Variants in ZNF45 observed in about 807,000 individuals in gnomAD.
ZNF45 encodes the protein BRC1744.
In ZNF45, 4 loss-of-function variants were observed where a neutral mutation model predicts 12.0. The ratio of observed to expected loss-of-function variants is 0.33; its 90% CI spans 0.16 to 0.76. The LOEUF (loss-of-function observed/expected upper bound fraction) is 0.76. Among genes scored for constraint, ZNF45 ranks in the 30% least tolerant of loss-of-function variants. The pLI, the probability that ZNF45 is intolerant of heterozygous loss-of-function variation, is 0.60. For missense variants in ZNF45, 700 were observed against 813.0 expected, an observed-to-expected ratio of 0.86 and a Z score of 1.69; for synonymous variants, 272 against 279.6, an observed-to-expected ratio of 0.97 and a Z score of 0.27.
chr19:43,924,739 C>T (rs1973527674), intron 4 of ZNF45, among the ~76,000 whole-genome samples, 178 bp from the exon 5 acceptor site: 1 of 152,146 alleles, frequency 6.6e-6, no homozygotes, highest in African/African-American at 2.4e-5. Context: ...ACCAGCCCAC[C>T]AGTACTGGAA....
intron 2 of ZNF45, among the ~76,000 whole-genome samples, chr19:43,934,030 T>C (rs923277656): frequency 5.3e-5 from 8 of 152,202 alleles, no homozygotes; most frequent in Admixed American, 3.3e-4. Context: ...ATATGGATCA[T>C]TTATCTATTT....
rs1204712089 is a variant in ZNF45, at chr19:43,935,265, C to G, written c.-1097G>C. ...GGAATGAAGGCCGCGCTCTCAACCT[C>G]TTGCCGCGGAAGTGCCCGGGAGAGC... On this transcript the variant is annotated 5_prime_UTR_variant, in exon 1 of 10. Coordinates refer to ENST00000269973, the MANE Select transcript of ZNF45 (RefSeq NM_003425.4). 6.6e-6 allele frequency: 1 copy of G among 152,416 alleles called. No homozygotes were observed. Among genetic ancestry groups the G allele is most frequent in the Non-Finnish European group, 1.5e-5 (1 of 68,074 alleles). 9.4% of individuals were successfully genotyped at this position (152,416 alleles called of 1,614,324 possible).
intron 3 of ZNF45, among the ~76,000 whole-genome samples, chr19:43,931,546 T>C (rs1974142817): frequency 7.5e-6 from 1 of 133,912 alleles, no homozygotes; most frequent in Non-Finnish European, 1.7e-5. Context: ...AAAAAAAAAA[T>C]GTATACATAT....
intron 7 of ZNF45, among the ~76,000 whole-genome samples, chr19:43,920,039 C>T (rs1973002762): frequency 6.6e-6 from 1 of 152,094 alleles, no homozygotes; most frequent in Non-Finnish European, 1.5e-5. Flanking sequence ...TCTTATCCTT[C>T]CCCCAAGATA....
At position 43,915,148 on chromosome 19, in the gene ZNF45, G is replaced by A. The variant is rs772211898; in HGVS notation, c.288C>T (p.Tyr96=). 1.9e-6 allele frequency: 3 copies of A among 1,565,896 alleles called. No homozygotes were observed. The highest frequency in any genetic ancestry group is 2.6e-6 in the Non-Finnish European group (3 of 1,157,464). ...METLQEVGLR[Y]LPHEELFCSQ... is the part of the protein sequence containing the mutation. ...AGCAGAAAAGCTCTTCATGAGGCAG[G>A]TACCTTAATCCTACTTCTTGAAGAG... is the stretch of plus-strand genomic sequence containing the variant. Residue 96 remains tyrosine, a synonymous_variant, in exon 10 of 10, where the codon TAC becomes TAT. Coordinates refer to ENST00000269973, the MANE Select transcript of ZNF45 (RefSeq NM_003425.4).
At chr19:43,934,778 A>G (rs1285396575) in intron 1 of ZNF45, 84 bp from the exon 2 acceptor site, 2 of 152,242 alleles carry the variant, frequency 1.3e-5, no homozygotes, top group African/African-American at 4.8e-5. Flanking sequence ...AACGGCCGAC[A>G]TGTTGCCACA....
chr19:43,913,832 T>G lies in ZNF45; in HGVS notation c.1604A>C (p.Lys535Thr). The change falls in exon 10 of 10, where the codon AAG (lysine) becomes ACG (threonine). Residue 535 changes from lysine (K) to threonine (T), a missense_variant. Coordinates refer to ENST00000269973, the MANE Select transcript of ZNF45 (RefSeq NM_003425.4). The stretch of plus-strand genomic sequence containing the variant: ...AAGCTGTGAACCTACACTGAAGCCC[T>G]TCCCACACTCTGCACACTGATATGG... ...EKPYQCAECG[K>T]GFSVGSQLQA... The G allele has an allele frequency of 6.2e-7, 1 of 1,613,988 alleles. No homozygotes were observed. Among genetic ancestry groups the G allele is most frequent in the East Asian group, 2.2e-5 (1 of 44,854 alleles).
Position 43,922,431 on chromosome 19 carries a change from C to A in ZNF45, c.-32-214G>T, listed in dbSNP as rs191861582. On this transcript the variant is annotated intron_variant, in intron 6 of 9. Transcript: ENST00000269973. ...GCTGTAAGACCCTGGCAGCAAGTGA[C>A]CTGCCCGACCACACAGAGTATGCCC... 6.2e-6 allele frequency: 3 copies of A among 484,244 alleles called. No individual in the cohort carries two copies. The South Asian group carries it at 1.1e-4, about 17-fold the overall frequency. The allele number at this position is 484,244 out of a possible 1,614,324, so 30.0% of individuals were successfully genotyped here.
In ZNF45 at chr19:43,932,695, T is replaced by C. The variant is rs1405683479; in HGVS notation, c.-486-5A>G. 1.3e-5 allele frequency: 2 copies of C among 152,168 alleles called. No individual in the cohort carries two copies. Among genetic ancestry groups the C allele is most frequent in the Non-Finnish European group, 2.9e-5 (2 of 68,032 alleles). The allele number at this position is 152,168 out of a possible 1,614,324, so 9.4% of individuals were successfully genotyped here. ...TGAAACAGAGGTCCCTGAAGTCTAA[T>C]GGGAGAGAGATAGGAAACCAAGAGT... On this transcript the variant is annotated splice_region_variant and splice_polypyrimidine_tract_variant and intron_variant, in intron 2 of 9. Transcript: ENST00000269973.
At position 43,922,820 on chromosome 19, in the gene ZNF45, G is replaced by GTTTTTTTTTT. The variant is rs368057244; in HGVS notation, c.-32-613_-32-604dup. On this transcript the variant is annotated intron_variant, in intron 6 of 9. Transcript: ENST00000269973. ...AATGGTTTCTACCAATAAATTCTTTGTTTTTTTTTTTTTTTTTTTTTTTGA... is the reference window on the plus strand; with the variant it reads ...AATGGTTTCTACCAATAAATTCTTTGTTTTTTTTTTTTTTTTTTTTTTTTTTTTTTTTTGA... Among the ~76,000 whole-genome samples the GTTTTTTTTTT allele has an allele frequency of 6.9e-5, 6 of 86,488 alleles. 1 individual carries two copies. The highest frequency in any genetic ancestry group is 7.1e-4 in the East Asian group (2 of 2,812). 56.7% of individuals were successfully genotyped at this position (86,488 alleles called of 152,430 possible).
intron 3 of ZNF45, among the ~76,000 whole-genome samples, chr19:43,930,719 A>C (rs925208641): frequency 6.6e-6 from 1 of 152,200 alleles, no homozygotes; most frequent in Non-Finnish European, 1.5e-5. Context: ...GGCTTCCCTT[A>C]GATCAGTGCT....
intron 4 of ZNF45, among the ~76,000 whole-genome samples, 167 bp from the exon 5 acceptor site, chr19:43,924,728 A>G (rs1239961874): frequency 6.6e-6 from 1 of 152,190 alleles, no homozygotes; most frequent in African/African-American, 2.4e-5. Context: ...TAGACTCCAG[A>G]ACCAGCCCAC....
At chr19:43,920,077 A>G (rs1973006314) in intron 7 of ZNF45, among the ~76,000 whole-genome samples, 2 of 152,172 alleles carry the variant, frequency 1.3e-5, no homozygotes, top group East Asian at 3.8e-4. Context: ...CATACCATAG[A>G]TAACACTGAA....
intron 3 of ZNF45, chr19:43,926,385 T>G (rs966831561): frequency 6.6e-6 from 1 of 152,240 alleles, no homozygotes; most frequent in Non-Finnish European, 1.5e-5. Flanking sequence ...GAAAGTACTC[T>G]CTGCTCTTCA....
intron 7 of ZNF45, 48 bp from the exon 8 acceptor site, chr19:43,919,747 T>C (rs1406019583): frequency 3.1e-6 from 5 of 1,597,746 alleles, no homozygotes; most frequent in Non-Finnish European, 3.4e-6. Context: ...AAAGGTCCAC[T>C]GGAAAAGGGA....
chr19:43,922,469 C>T lies in ZNF45; in HGVS notation c.-32-252G>A, dbSNP rs563485087. 4.6e-5 allele frequency among the ~76,000 whole-genome samples: 7 copies of T among 152,210 alleles called. No individual in the cohort carries two copies. The East Asian group carries it at 1.2e-3, about 25-fold the overall frequency. ...ACAGAGTATGCCCCCAACATAATTTCTCCTTGTGGCTCTCAGGGTATGACT... is the reference window on the plus strand; with the variant it reads ...ACAGAGTATGCCCCCAACATAATTTTTCCTTGTGGCTCTCAGGGTATGACT... On this transcript the variant is annotated intron_variant, in intron 6 of 9. Coordinates refer to ENST00000269973, the MANE Select transcript of ZNF45 (RefSeq NM_003425.4).
chr19:43,927,106 G>A (rs1266253684), intron 3 of ZNF45, among the ~76,000 whole-genome samples: 1 of 152,094 alleles, frequency 6.6e-6, no homozygotes, highest in Non-Finnish European at 1.5e-5. Context: ...TCTCTCTCTA[G>A]CCATCCTGTA....
chr19:43,924,073 C>T (rs1467703268), intron 6 of ZNF45, among the ~76,000 whole-genome samples, 165 bp downstream of exon 6: 1 of 150,702 alleles, frequency 6.6e-6, no homozygotes, highest in Non-Finnish European at 1.5e-5. Flanking sequence ...AAAATCATGA[C>T]TCTGCAAGAT....
In ZNF45 at chr19:43,913,641, G is replaced by T; in HGVS notation, c.1795C>A (p.Leu599Ile). The change falls in exon 10 of 10, where the codon CTT (leucine) becomes ATT (isoleucine). Residue 599 changes from leucine to isoleucine, a missense_variant. By Grantham distance (5) the Leu-to-Ile change is conservative (BLOSUM62 2). Coordinates refer to ENST00000269973, the MANE Select transcript of ZNF45 (RefSeq NM_003425.4). ...CGKRFRQRSYLQAHQRVHTGE... is the reference protein window; with the variant it reads ...CGKRFRQRSYIQAHQRVHTGE... ...GTGTGGACCCTCTGGTGGGCTTGAA[G>T]GTAGGATCTCTGTCTGAAGCGCTTA... The T allele has an allele frequency of 6.2e-7, 1 of 1,614,008 alleles. No homozygotes were observed. Among genetic ancestry groups the T allele is most frequent in the Non-Finnish European group, 8.5e-7 (1 of 1,180,014 alleles).
Sources: gnomAD v4.1 joint callset for allele counts (sites outside exome capture counted in the v4.1 genomes callset) on GRCh38, gnomAD v4.1.1 for gene constraint, MANE v1.5 for transcripts, NCBI Gene and HGNC (gene_info 2026-07-23, HGNC 2026-07-21) for gene names.